Variants in BLTP3B observed in about 807,000 individuals in gnomAD.
The protein encoded by BLTP3B is UHRF1 (ICBP90) binding protein 1-like.
chr12:100,103,505 G>A, the BLTP3B span, among the ~76,000 whole-genome samples: 4 of 151,092 alleles, frequency 2.6e-5, no homozygotes, highest in South Asian at 2.1e-4. Context: ...TTAAATGAAC[G>A]AACAAATGAT....
the BLTP3B span, among the ~76,000 whole-genome samples, chr12:100,081,353 C>G: frequency 6.6e-6 from 1 of 152,122 alleles, no homozygotes; most frequent in Non-Finnish European, 1.5e-5. Flanking sequence ...AATTTTGAAC[C>G]AGAGGGTAGT....
the BLTP3B span, chr12:100,050,426 AC>A: frequency 9.9e-7 from 1 of 1,014,098 alleles, no homozygotes; most frequent in Non-Finnish European, 1.3e-6. Flanking sequence ...ATTGTGACCT[AC>A]CAGACCAAAA....
At chr12:100,082,863 T>C in the BLTP3B span, among the ~76,000 whole-genome samples, 1 of 152,206 alleles carries the variant, frequency 6.6e-6, no homozygotes, top group East Asian at 1.9e-4. Flanking sequence ...TAATCAAAAA[T>C]TAATAAACTG....
At chr12:100,044,167 C>A in the BLTP3B span, among the ~76,000 whole-genome samples, 3 of 151,972 alleles carry the variant, frequency 2.0e-5, no homozygotes, top group African/African-American at 7.2e-5. Context: ...TGGGCAGAGT[C>A]TTCTCACAGA....
chr12:100,136,869 T>C, the BLTP3B span, among the ~76,000 whole-genome samples: 3 of 152,140 alleles, frequency 2.0e-5, no homozygotes, highest in African/African-American at 7.2e-5. Context: ...TGGAGTGCAA[T>C]GGCCCGATCT....
the BLTP3B span, among the ~76,000 whole-genome samples, chr12:100,050,923 G>T: frequency 1.3e-5 from 2 of 152,280 alleles, no homozygotes; most frequent in East Asian, 3.9e-4. Flanking sequence ...AAAAACGATT[G>T]GGGGGAGGCA....
chr12:100,083,690 C>CAA, the BLTP3B span, among the ~76,000 whole-genome samples: 5 of 128,074 alleles, frequency 3.9e-5, no homozygotes, highest in African/African-American at 3.0e-5. Context: ...ACTGGGCCAG[C>CAA]AAAAAAAAAA....
the BLTP3B span, among the ~76,000 whole-genome samples, chr12:100,121,242 C>T: frequency 3.0e-3 from 453 of 149,922 alleles, 2 homozygotes; most frequent in African/African-American, 7.8e-3. Context: ...CCCAGCTACT[C>T]GGGAGGGTGA....
the BLTP3B span, chr12:100,050,132 A>G: frequency 7.0e-7 from 1 of 1,435,328 alleles, no homozygotes; most frequent in South Asian, 1.6e-5. Flanking sequence ...ATATTAAACC[A>G]TTGTATATGA....
chr12:100,038,745 T>A, the BLTP3B span, among the ~76,000 whole-genome samples: 1 of 152,196 alleles, frequency 6.6e-6, no homozygotes, highest in African/African-American at 2.4e-5. Context: ...ATGGCTATAT[T>A]AGAGCAAATA....
chr12:100,047,421 C>T, the BLTP3B span: 3 of 748,320 alleles, frequency 4.0e-6, no homozygotes, highest in East Asian at 8.4e-5. Flanking sequence ...TCACTCGAAC[C>T]AGGGAGGCAG....
the BLTP3B span, among the ~76,000 whole-genome samples, chr12:100,110,131 G>T: frequency 3.3e-5 from 5 of 152,000 alleles, no homozygotes; most frequent in African/African-American, 1.2e-4. Flanking sequence ...TGGCTAACAA[G>T]AGTTAGTCTT....
the BLTP3B span, among the ~76,000 whole-genome samples, chr12:100,045,583 T>C: frequency 6.6e-6 from 1 of 152,170 alleles, no homozygotes; most frequent in Non-Finnish European, 1.5e-5. Context: ...TAACTGAAGA[T>C]GGATTAAAGA....
At chr12:100,130,148 C>A in the BLTP3B span, among the ~76,000 whole-genome samples, 979 of 152,232 alleles carry the variant, frequency 6.4e-3, 10 homozygotes, top group African/African-American at 0.022. Context: ...TTAGCAGAAA[C>A]GGGGTTTCAC....
chr12:100,078,439 T>C, the BLTP3B span, among the ~76,000 whole-genome samples: 1 of 152,142 alleles, frequency 6.6e-6, no homozygotes, highest in Non-Finnish European at 1.5e-5. Flanking sequence ...GGTACTTCTT[T>C]ACAACAACAC....
At chr12:100,095,857 T>C in the BLTP3B span, 1 of 1,554,938 alleles carries the variant, frequency 6.4e-7, no homozygotes, top group Non-Finnish European at 8.7e-7. Flanking sequence ...AAAAAAATGT[T>C]TTATAAAATT....
At chr12:100,053,001 G>T in the BLTP3B span, among the ~76,000 whole-genome samples, 89 of 151,518 alleles carry the variant, frequency 5.9e-4, no homozygotes, top group Middle Eastern at 3.4e-3. Flanking sequence ...CACCATGTTA[G>T]CCAGGATGGT....
the BLTP3B span, among the ~76,000 whole-genome samples, chr12:100,044,036 A>G: frequency 2.3e-4 from 35 of 152,108 alleles, no homozygotes; most frequent in African/African-American, 8.0e-4. Flanking sequence ...TTGCTTTGGT[A>G]TATGCTGTAA....
chr12:100,116,765 T>C, the BLTP3B span, among the ~76,000 whole-genome samples: 2 of 152,196 alleles, frequency 1.3e-5, no homozygotes, highest in Non-Finnish European at 2.9e-5. Context: ...AAGAAAAATA[T>C]ATAAAAGGCA....
Sources: allele counts gnomAD v4.1 joint callset (sites outside exome capture counted in the v4.1 genomes callset), GRCh38; gene constraint gnomAD v4.1.1; transcripts MANE v1.5; gene names NCBI Gene and HGNC (gene_info 2026-07-23, HGNC 2026-07-21).